ATP11B: variants seen among roughly 807,000 people sequenced by gnomAD.
ATP11B encodes phospholipid-transporting ATPase IF.
A neutral mutation model predicts 157.8 loss-of-function variants in ATP11B; 81 were observed. The ratio of observed to expected loss-of-function variants is 0.51; its 90% CI spans 0.43 to 0.62. The LOEUF is 0.62. Ranked by LOEUF, ATP11B falls within the 20% of genes least tolerant of loss-of-function variation. ATP11B has a pLI of 0.00. For synonymous variants in ATP11B, 451 were observed against 469.4 expected (o/e 0.96, Z 0.51); for missense variants, 1,165 against 1,402.2 (o/e 0.83, Z 2.70).
In ATP11B at chr3:182,918,267, A is replaced by T; in HGVS notation, c.*163A>T. 1.0e-6 allele frequency: 1 copy of T among 960,230 alleles called. No individual in the cohort carries two copies. The highest frequency in any genetic ancestry group is 1.5e-6 in the Non-Finnish European group (1 of 687,562). The allele number at this position is 960,230 out of a possible 1,614,324, so 59.5% of individuals were successfully genotyped here. A position where few individuals can be genotyped will look rare whatever the true frequency, so the allele number is the denominator to read the frequency against. ...TGGCAAACAAACAGAAAGCATTAGT[A>T]CAAGCCCCTCCCAACACCCTTAATT... On this transcript the variant is annotated 3_prime_UTR_variant, in exon 30 of 30. Transcript: ENST00000323116.
At chr3:182,859,703 T>A (rs1486763906) in intron 12 of ATP11B, among the ~76,000 whole-genome samples, 1 of 152,194 alleles carries the variant, frequency 6.6e-6, no homozygotes, top group East Asian at 1.9e-4. Flanking sequence ...TAAATATTTT[T>A]ATTAACATTA....
intron 1 of ATP11B, among the ~76,000 whole-genome samples, chr3:182,809,447 C>T (rs1716521129): frequency 6.6e-6 from 1 of 152,116 alleles, no homozygotes; most frequent in African/African-American, 2.4e-5. Context: ...CAGGGTTGTG[C>T]CATGTTGGCC....
intron 28 of ATP11B, among the ~76,000 whole-genome samples, chr3:182,912,181 A>G (rs1724840299): frequency 6.6e-6 from 1 of 152,142 alleles, no homozygotes; most frequent in African/African-American, 2.4e-5. Context: ...AATACTGGAA[A>G]ACTGATGAAA....
intron 1 of ATP11B, among the ~76,000 whole-genome samples, chr3:182,806,967 A>T (rs911577014): frequency 2.0e-5 from 3 of 151,858 alleles, no homozygotes; most frequent in Non-Finnish European, 4.4e-5. Context: ...TTATTTCCAC[A>T]CTGAGAGTCC....
At chr3:182,915,876 T>A in intron 29 of ATP11B, 1 of 966,604 alleles carries the variant, frequency 1.0e-6, no homozygotes, top group African/African-American at 1.8e-5. Context: ...AATTTTTTTA[T>A]TCTCCTAATA....
At chr3:182,807,700 T>C (rs562771081) in intron 1 of ATP11B, among the ~76,000 whole-genome samples, 1 of 152,318 alleles carries the variant, frequency 6.6e-6, no homozygotes, top group African/African-American at 2.4e-5. Flanking sequence ...ATTAAGGTTA[T>C]ATTTTATAAT....
intron 29 of ATP11B, chr3:182,915,007 G>T (rs566603635): frequency 1.0e-6 from 1 of 985,178 alleles, no homozygotes; most frequent in Non-Finnish European, 1.2e-6. Flanking sequence ...GCTTGGAAAA[G>T]GTTGGAAATT....
chr3:182,902,814 A>G (rs946301950), intron 28 of ATP11B, among the ~76,000 whole-genome samples: 1 of 152,092 alleles, frequency 6.6e-6, no homozygotes, highest in Non-Finnish European at 1.5e-5. Context: ...ATACCTTGTT[A>G]ATATATCTTT....
chr3:182,905,845 C>T, intron 28 of ATP11B: 1 of 456,690 alleles, frequency 2.2e-6, no homozygotes, highest in South Asian at 1.5e-5. Context: ...TGCTGAAAGC[C>T]AGCACAGAGG....
chr3:182,875,670 A>C (rs1161410016), intron 19 of ATP11B, among the ~76,000 whole-genome samples: 2 of 151,866 alleles, frequency 1.3e-5, no homozygotes, highest in East Asian at 3.9e-4. Context: ...CGAACACCTG[A>C]CCTCAGGTGA....
intron 28 of ATP11B, among the ~76,000 whole-genome samples, chr3:182,907,237 C>T (rs1344166703): frequency 6.6e-6 from 1 of 152,154 alleles, no homozygotes; most frequent in African/African-American, 2.4e-5. Flanking sequence ...ATAAAATTTC[C>T]TGCCACTAAT....
chr3:182,851,329 G>A (rs1248239193), intron 10 of ATP11B, among the ~76,000 whole-genome samples: 2 of 152,066 alleles, frequency 1.3e-5, no homozygotes, highest in East Asian at 3.8e-4. Context: ...ATTTTTCAAA[G>A]AACCAACTTT....
intron 28 of ATP11B, chr3:182,902,587 C>G (rs182020344): frequency 4.9e-5 from 62 of 1,266,490 alleles, no homozygotes; most frequent in Non-Finnish European, 6.1e-5. Flanking sequence ...AGGAGTAGAG[C>G]CTCATTAACT....
chr3:182,911,717 T>C (rs935325984), intron 28 of ATP11B, among the ~76,000 whole-genome samples: 1 of 152,148 alleles, frequency 6.6e-6, no homozygotes, highest in African/African-American at 2.4e-5. Flanking sequence ...GCTCACCGGA[T>C]TGAGCACAGG....
intron 2 of ATP11B, among the ~76,000 whole-genome samples, chr3:182,821,970 G>A (rs567641225): frequency 6.6e-6 from 1 of 152,136 alleles, no homozygotes; most frequent in African/African-American, 2.4e-5. Context: ...GCCCCATGTT[G>A]CTGCCTTCAC....
rs1238441533 is a variant in ATP11B, at chr3:182,842,061, G to A, written c.657-14G>A. 3.2e-6 allele frequency: 5 copies of A among 1,577,276 alleles called. No individual in the cohort carries two copies. Among genetic ancestry groups the A allele is most frequent in the Admixed American group, 3.4e-5 (2 of 58,858 alleles). On this transcript the variant is annotated splice_polypyrimidine_tract_variant and intron_variant, in intron 7 of 29. Coordinates refer to ENST00000323116, the MANE Select transcript of ATP11B (RefSeq NM_014616.3). ...GTGATATTATATGTTTTTGTAATGTGAATTTTTTGATAGATTCATGGGACG... is the reference window on the plus strand; with the variant it reads ...GTGATATTATATGTTTTTGTAATGTAAATTTTTTGATAGATTCATGGGACG...
intron 12 of ATP11B, among the ~76,000 whole-genome samples, chr3:182,862,985 G>A (rs1338086781): frequency 6.6e-6 from 1 of 151,512 alleles, no homozygotes; most frequent in Non-Finnish European, 1.5e-5. Flanking sequence ...GTGCAATCTC[G>A]GCTCACTGCA....
At chr3:182,864,180 G>T (rs1008841204) in intron 12 of ATP11B, among the ~76,000 whole-genome samples, 20 of 151,890 alleles carry the variant, frequency 1.3e-4, no homozygotes, top group Admixed American at 1.2e-3. Context: ...AGAATTTTCT[G>T]TATACAAGGT....
chr3:182,820,430 T>G, intron 2 of ATP11B, 54 bp downstream of exon 2: 1 of 1,243,054 alleles, frequency 8.0e-7, no homozygotes, highest in Non-Finnish European at 1.2e-6. Context: ...ATACCCATCA[T>G]CCCAGCACTT....
Sources: gnomAD v4.1 joint callset for allele counts (sites outside exome capture counted in the v4.1 genomes callset) on GRCh38, gnomAD v4.1.1 for gene constraint, MANE v1.5 for transcripts, NCBI Gene and HGNC (gene_info 2026-07-23, HGNC 2026-07-21) for gene names.